NDUFS4: variants seen among roughly 807,000 people sequenced by gnomAD.
NDUFS4 encodes the protein NADH:ubiquinone oxidoreductase subunit S4.
In NDUFS4, 28 loss-of-function variants were observed where a neutral mutation model predicts 24.3. The observed-to-expected ratio is 1.15, with a 90% CI of 0.85 to 1.58. NDUFS4 has a LOEUF of 1.58. Among genes scored for constraint, NDUFS4 ranks in the 40% most tolerant of loss-of-function variants. NDUFS4 has a pLI of 0.00. For missense variants in NDUFS4, 223 were observed against 207.9 expected, an observed-to-expected ratio of 1.07 and a Z score of -0.45; for synonymous variants, 93 against 69.7, an observed-to-expected ratio of 1.34 and a Z score of -1.67.
At chr5:53,583,730 T>G (rs1312713000) in intron 1 of NDUFS4, among the ~76,000 whole-genome samples, 1 of 152,226 alleles carries the variant, frequency 6.6e-6, no homozygotes, top group Non-Finnish European at 1.5e-5. Context: ...ATTATTTCAA[T>G]TACTGGGAGT....
chr5:53,603,090 T>A (rs1220911739), intron 1 of NDUFS4, among the ~76,000 whole-genome samples: 1 of 152,134 alleles, frequency 6.6e-6, no homozygotes, highest in Non-Finnish European at 1.5e-5. Context: ...CGTTTAAGAA[T>A]CAGTGTTCCA....
chr5:53,604,767 C>T, intron 2 of NDUFS4: 1 of 456,286 alleles, frequency 2.2e-6, no homozygotes, highest in Non-Finnish European at 4.4e-6. Flanking sequence ...GGTCTAGCCA[C>T]ACCAAGCCTG....
At chr5:53,680,580 T>TAA (rs1010311653) in intron 4 of NDUFS4, among the ~76,000 whole-genome samples, 6 of 151,756 alleles carry the variant, frequency 4.0e-5, no homozygotes, top group African/African-American at 1.5e-4. Context: ...TCATTCTCAG[T>TAA]AAACTATCGC....
chr5:53,647,304 T>C (rs1751898277), intron 3 of NDUFS4, among the ~76,000 whole-genome samples: 1 of 152,076 alleles, frequency 6.6e-6, no homozygotes, highest in Non-Finnish European at 1.5e-5. Context: ...CCCTGAACTC[T>C]GGGATGATCA....
chr5:53,633,999 T>G (rs530307691), intron 2 of NDUFS4, among the ~76,000 whole-genome samples: 1 of 152,322 alleles, frequency 6.6e-6, no homozygotes, highest in South Asian at 2.1e-4. Context: ...CCAAATCAGA[T>G]TATTAAAAGA....
At chr5:53,584,539 C>T (rs1749677983) in intron 1 of NDUFS4, among the ~76,000 whole-genome samples, 1 of 151,826 alleles carries the variant, frequency 6.6e-6, no homozygotes, top group South Asian at 2.1e-4. Flanking sequence ...GGGGTTACAC[C>T]TTGTTGGCCA....
At chr5:53,566,022 A>T (rs1749013664) in intron 1 of NDUFS4, among the ~76,000 whole-genome samples, 1 of 152,052 alleles carries the variant, frequency 6.6e-6, no homozygotes, top group African/African-American at 2.4e-5. Context: ...AAAATACAAT[A>T]ATTAGCCGGG....
At chr5:53,675,415 G>T (rs1740433982) in intron 4 of NDUFS4, among the ~76,000 whole-genome samples, 1 of 152,180 alleles carries the variant, frequency 6.6e-6, no homozygotes, top group Non-Finnish European at 1.5e-5. Context: ...GCCCGCCTTG[G>T]CCTCCCAAAG....
chr5:53,596,361 A>C (rs565856222), intron 1 of NDUFS4, among the ~76,000 whole-genome samples: 19 of 152,314 alleles, frequency 1.2e-4, no homozygotes, highest in African/African-American at 4.6e-4. Flanking sequence ...TGAGCCAAGG[A>C]GGTCGTGGTT....
At chr5:53,667,621 C>T (rs1455049404) in intron 4 of NDUFS4, among the ~76,000 whole-genome samples, 1 of 151,866 alleles carries the variant, frequency 6.6e-6, no homozygotes, top group Admixed American at 6.6e-5. Flanking sequence ...ATCCCCACAA[C>T]TAAAATCATT....
intron 3 of NDUFS4, among the ~76,000 whole-genome samples, chr5:53,655,903 C>T (rs1326471862): frequency 5.9e-5 from 9 of 152,132 alleles, no homozygotes; most frequent in Non-Finnish European, 1.2e-4. Flanking sequence ...ACTCAGTCTC[C>T]CCTGTAACAG....
In NDUFS4 at chr5:53,560,750, G is replaced by T. The variant is rs377128261; in HGVS notation, c.88G>T (p.Val30Phe). The T allele has an allele frequency of 2.5e-6, 4 of 1,614,088 alleles. No homozygotes were observed. The highest frequency in any genetic ancestry group is 3.3e-5 in the Admixed American group (2 of 60,006). ...VAVAALSVSR[V>F]PTRSLRTSTW... ...TGTAGCTGCCCTTTCCGTTTCCAGG[G>T]TTCCGACCAGGTAATAGAATTTTCA... The change falls in exon 1 of 5, where the codon GTT (valine) becomes TTT (phenylalanine). Residue 30 changes from valine to phenylalanine, a missense_variant. Transcript: ENST00000296684.
At chr5:53,659,106 C>A (rs1752248622) in intron 4 of NDUFS4, among the ~76,000 whole-genome samples, 1 of 151,974 alleles carries the variant, frequency 6.6e-6, no homozygotes, top group Non-Finnish European at 1.5e-5. Context: ...TCTAAATGCC[C>A]ACATTTGCTA....
chr5:53,569,331 G>A (rs1190724472), intron 1 of NDUFS4, among the ~76,000 whole-genome samples: 1 of 152,002 alleles, frequency 6.6e-6, no homozygotes, highest in Admixed American at 6.6e-5. Flanking sequence ...TTCAGATTTT[G>A]TATTCAACCT....
At chr5:53,633,562 C>G (rs896378685) in intron 2 of NDUFS4, among the ~76,000 whole-genome samples, 2 of 152,154 alleles carry the variant, frequency 1.3e-5, no homozygotes, top group Non-Finnish European at 2.9e-5. Context: ...CTAGCCTACG[C>G]ATAAAAACAC....
intron 3 of NDUFS4, among the ~76,000 whole-genome samples, chr5:53,651,974 C>G (rs401967): frequency 6.6e-6 from 1 of 151,724 alleles, no homozygotes; most frequent in Non-Finnish European, 1.5e-5. Context: ...GGGGTTTCAC[C>G]GTGTTAGCCA....
intron 4 of NDUFS4, among the ~76,000 whole-genome samples, chr5:53,671,318 C>T (rs1001700544): frequency 6.6e-6 from 1 of 152,020 alleles, no homozygotes; most frequent in South Asian, 2.1e-4. Context: ...TCTTCTTTAC[C>T]TCACTTCTTA....
At chr5:53,662,887 T>G (rs868345314) in intron 4 of NDUFS4, among the ~76,000 whole-genome samples, 49 of 152,346 alleles carry the variant, frequency 3.2e-4, no homozygotes, top group African/African-American at 1.1e-3. Context: ...TTCCTCTTGC[T>G]TCTGTAGTTC....
At chr5:53,564,388 C>T (rs1748953273) in intron 1 of NDUFS4, among the ~76,000 whole-genome samples, 1 of 152,142 alleles carries the variant, frequency 6.6e-6, no homozygotes, top group African/African-American at 2.4e-5. Context: ...TTTTTGCTAT[C>T]TTTGTAACAC....
Sources: allele counts gnomAD v4.1 joint callset (sites outside exome capture counted in the v4.1 genomes callset), GRCh38; gene constraint gnomAD v4.1.1; transcripts MANE v1.5; gene names NCBI Gene and HGNC (gene_info 2026-07-23, HGNC 2026-07-21).